Variants in SORCS2 observed in about 807,000 individuals in gnomAD.
SORCS2 encodes sortilin related VPS10 domain containing receptor 2.
In SORCS2, 100 loss-of-function variants were observed where a neutral mutation model predicts 141.6. The ratio of observed to expected loss-of-function variants is 0.71; its 90% CI spans 0.60 to 0.83. The LOEUF (loss-of-function observed/expected upper bound fraction) is 0.83, where lower values mean the gene tolerates loss of function less well. Ranked by LOEUF, SORCS2 falls within the 40% of genes least tolerant of loss-of-function variation. SORCS2 has a pLI of 0.00. For synonymous variants in SORCS2, 789 were observed against 676.9 expected, an observed-to-expected ratio of 1.17 and a Z score of -2.57; for missense variants, 1,646 against 1,560.2, an observed-to-expected ratio of 1.05 and a Z score of -0.93.
intron 2 of SORCS2, among the ~76,000 whole-genome samples, chr4:7,475,699 TCA>T (rs1191712410): frequency 2.0e-5 from 3 of 151,812 alleles, no homozygotes; most frequent in South Asian, 4.1e-4. Flanking sequence ...ATGTTCATGT[TCA>T]CACACAACAC....
chr4:7,232,657 C>A (rs769273932), intron 1 of SORCS2, among the ~76,000 whole-genome samples: 1 of 152,202 alleles, frequency 6.6e-6, no homozygotes, highest in Admixed American at 6.5e-5. Flanking sequence ...CTCCTGCCCG[C>A]GCCAGCTGTG....
chr4:7,637,174 G>C (rs7660099), intron 3 of SORCS2, among the ~76,000 whole-genome samples: 3,243 of 152,244 alleles, frequency 0.021, 108 homozygotes, highest in African/African-American at 0.075. Context: ...GCGAGTACTG[G>C]GGATAGGGAT....
intron 3 of SORCS2, among the ~76,000 whole-genome samples, chr4:7,555,810 G>A (rs1714062670): frequency 1.3e-5 from 2 of 152,216 alleles, no homozygotes; most frequent in South Asian, 2.1e-4. Context: ...GGTGAAGGGA[G>A]CAGGTGCAAA....
In SORCS2 at chr4:7,374,115, CTTT is replaced by C. The variant is rs1560229187; in HGVS notation, c.481-22172_481-22170del. Among the ~76,000 whole-genome samples the C allele has an allele frequency of 1.1e-3, 27 of 23,672 alleles. No homozygotes were observed. In the South Asian group the frequency reaches 0.019, roughly 17 times the overall value. 15.5% of individuals were successfully genotyped at this position (23,672 alleles called of 152,430 possible). A position where few individuals can be genotyped will look rare whatever the true frequency, so the allele number is the denominator to read the frequency against. The stretch of plus-strand genomic sequence containing the variant: ...TGCAAGGTTAGGATTGAGATTCTTT[CTTT>C]CTTTCTTTCCCTCTTTCTTTCTTTC... On this transcript the variant is annotated intron_variant, in intron 1 of 26. Transcript: ENST00000507866.
At chr4:7,496,283 AGCCTG>A (rs1731610330) in intron 2 of SORCS2, among the ~76,000 whole-genome samples, 1 of 150,748 alleles carries the variant, frequency 6.6e-6, no homozygotes, top group African/African-American at 2.4e-5. Flanking sequence ...AGGAGCTAGA[AGCCTG>A]GAGAAGTGAG....
intron 2 of SORCS2, among the ~76,000 whole-genome samples, chr4:7,490,709 T>A (rs998790814): frequency 4.6e-5 from 7 of 152,180 alleles, no homozygotes; most frequent in African/African-American, 1.4e-4. Context: ...TGGGGGCAGG[T>A]TGTTTGCAGG....
intron 2 of SORCS2, among the ~76,000 whole-genome samples, chr4:7,453,655 T>C (rs561854228): frequency 4.3e-4 from 49 of 114,478 alleles, no homozygotes; most frequent in African/African-American, 1.7e-3. Context: ...TGTGTTGGGG[T>C]CAGGAGCTGT....
At chr4:7,601,323 T>TA (rs1392932214) in intron 3 of SORCS2, among the ~76,000 whole-genome samples, 5 of 150,724 alleles carry the variant, frequency 3.3e-5, no homozygotes, top group African/African-American at 1.2e-4. Context: ...TTTTTTTTTT[T>TA]AAGTTATCAA....
intron 1 of SORCS2, among the ~76,000 whole-genome samples, chr4:7,394,527 T>C (rs73084218): frequency 0.069 from 10,257 of 148,890 alleles, 505 homozygotes; most frequent in African/African-American, 0.13. Flanking sequence ...GCTGGGGGAT[T>C]TGGGGAAGAG....
chr4:7,675,028 C>T (rs189542487), intron 8 of SORCS2, among the ~76,000 whole-genome samples: 1 of 152,294 alleles, frequency 6.6e-6, no homozygotes, highest in African/African-American at 2.4e-5. Context: ...GGCAAAGGAA[C>T]AGAGGTGGGA....
At chr4:7,510,969 C>T (rs1398179846) in intron 2 of SORCS2, among the ~76,000 whole-genome samples, 10 of 152,172 alleles carry the variant, frequency 6.6e-5, no homozygotes, top group Non-Finnish European at 8.8e-5. Context: ...GGTTCGAGGC[C>T]GGAACTAGGT....
chr4:7,566,535 G>A (rs923975003), intron 3 of SORCS2, among the ~76,000 whole-genome samples: 2 of 152,204 alleles, frequency 1.3e-5, no homozygotes, highest in Non-Finnish European at 2.9e-5. Context: ...CAGCAGGTTA[G>A]AGTTGGAATA....
intron 2 of SORCS2, among the ~76,000 whole-genome samples, chr4:7,505,171 CGTT>C (rs1393207053): frequency 6.6e-6 from 1 of 152,156 alleles, no homozygotes; most frequent in Non-Finnish European, 1.5e-5. Context: ...ATGAGGCTAG[CGTT>C]GTGGCTTCTG....
At chr4:7,608,843 C>T (rs143806584) in intron 3 of SORCS2, among the ~76,000 whole-genome samples, 3 of 152,236 alleles carry the variant, frequency 2.0e-5, no homozygotes, top group Admixed American at 6.5e-5. Context: ...TGCTTGGGGC[C>T]GGGCAGGATT....
chr4:7,713,821 C>T (rs916696170), intron 15 of SORCS2, among the ~76,000 whole-genome samples: 5 of 152,198 alleles, frequency 3.3e-5, no homozygotes, highest in Non-Finnish European at 5.9e-5. Context: ...CCACCCCTGT[C>T]ACTGCCACAG....
chr4:7,351,172 G>A (rs1247127817), intron 1 of SORCS2, among the ~76,000 whole-genome samples: 1 of 152,182 alleles, frequency 6.6e-6, no homozygotes, highest in Non-Finnish European at 1.5e-5. Flanking sequence ...CTGGCCCTCT[G>A]CTGCCTGAGT....
At chr4:7,563,711 G>T (rs759940831) in intron 3 of SORCS2, among the ~76,000 whole-genome samples, 1 of 152,206 alleles carries the variant, frequency 6.6e-6, no homozygotes, top group Non-Finnish European at 1.5e-5. Flanking sequence ...CTGTGCTGCA[G>T]GTTCCAGATT....
chr4:7,322,184 C>G (rs915665796), intron 1 of SORCS2, among the ~76,000 whole-genome samples: 1 of 152,100 alleles, frequency 6.6e-6, no homozygotes, highest in South Asian at 2.1e-4. Flanking sequence ...GCCCCACCCC[C>G]ACATGGCCAG....
intron 2 of SORCS2, among the ~76,000 whole-genome samples, chr4:7,417,894 A>G (rs1218661058): frequency 1.3e-5 from 2 of 152,178 alleles, no homozygotes; most frequent in Non-Finnish European, 2.9e-5. Flanking sequence ...AGCCCCACCA[A>G]GGGGCAACAA....
Sources: allele counts gnomAD v4.1 joint callset (sites outside exome capture counted in the v4.1 genomes callset), GRCh38; gene constraint gnomAD v4.1.1; transcripts MANE v1.5; gene names NCBI Gene and HGNC (gene_info 2026-07-23, HGNC 2026-07-21).